The following KIAA1549 variants were observed in gnomAD, a reference collection of about 807,000 sequenced individuals.
KIAA1549 encodes UPF0606 protein KIAA1549.
KIAA1549 carries 70 observed loss-of-function variants against 156.4 expected under a neutral mutation model. The observed-to-expected ratio is 0.45, with a 90% confidence interval of 0.37 to 0.55. KIAA1549 has a LOEUF of 0.55. Ranked by LOEUF, KIAA1549 falls within the 20% of genes least tolerant of loss-of-function variation. The probability of loss-of-function intolerance (pLI) is 0.00; values close to 1 mark genes in which losing one functional copy is unlikely to be tolerated. For synonymous variants in KIAA1549, 1,103 were observed against 1,066.4 expected (o/e 1.03, Z -0.67); for missense variants, 2,428 against 2,540.9 (o/e 0.96, Z 0.96).
intron 8 of KIAA1549, among the ~76,000 whole-genome samples, chr7:138,901,313 T>C (rs1040421529): frequency 6.7e-6 from 1 of 149,810 alleles, no homozygotes; most frequent in African/African-American, 2.5e-5. Flanking sequence ...TTTTGTAGCC[T>C]CTCTTGAGTT....
At chr7:138,935,853 G>A (rs1046423914) in intron 1 of KIAA1549, among the ~76,000 whole-genome samples, 11 of 152,172 alleles carry the variant, frequency 7.2e-5, no homozygotes, top group Admixed American at 2.6e-4. Context: ...GAGGGGTCAC[G>A]CCGGCTGGAA....
intron 1 of KIAA1549, among the ~76,000 whole-genome samples, chr7:138,978,642 A>G (rs1187632959): frequency 6.6e-6 from 1 of 152,230 alleles, no homozygotes; most frequent in Non-Finnish European, 1.5e-5. Context: ...GAAGGAGGAG[A>G]TAGCTTTCAG....
chr7:138,939,112 CT>C (rs994567669), intron 1 of KIAA1549, among the ~76,000 whole-genome samples: 4 of 152,070 alleles, frequency 2.6e-5, no homozygotes, highest in Admixed American at 1.3e-4. Flanking sequence ...ATCCCATAAA[CT>C]TTTTTTTAAA....
rs1563039449 is a variant in KIAA1549, at chr7:138,832,190, C to CTTTT, written c.*5715_*5716insAAAA. 94 of 169,980 alleles carry CTTTT rather than the reference C, an allele frequency of 5.5e-4. 3 individuals are homozygous for CTTTT. The highest frequency in any genetic ancestry group is 2.1e-3 in the African/African-American group (62 of 30,146). 10.5% of individuals were successfully genotyped at this position (169,980 alleles called of 1,614,324 possible). On this transcript the variant is annotated 3_prime_UTR_variant, in exon 20 of 20. Coordinates refer to ENST00000422774, the MANE Select transcript of KIAA1549 (RefSeq NM_001164665.2). ...TTCACCTCTGTCCCTTTTACCTATT[C>CTTTT]CTTTTTTTTTTTTTTTTTTTTCCAG... is the stretch of plus-strand genomic sequence containing the variant.
intron 12 of KIAA1549, among the ~76,000 whole-genome samples, chr7:138,874,807 C>T (rs1270870690): frequency 1.3e-5 from 2 of 152,058 alleles, no homozygotes; most frequent in Admixed American, 1.3e-4. Context: ...AGTTCTAGAC[C>T]AGCCTAGGCA....
At chr7:138,956,431 T>C (rs911785441) in intron 1 of KIAA1549, among the ~76,000 whole-genome samples, 16 of 152,296 alleles carry the variant, frequency 1.1e-4, no homozygotes, top group African/African-American at 3.8e-4. Context: ...CCAAATCTCA[T>C]CTTGAATTGT....
At chr7:138,969,376 C>G (rs7791097) in intron 1 of KIAA1549, among the ~76,000 whole-genome samples, 8,896 of 152,206 alleles carry the variant, frequency 0.058, 442 homozygotes, top group African/African-American at 0.13. Flanking sequence ...AAGTGGAATC[C>G]TACAGTATTT....
In KIAA1549 at chr7:138,868,013, G is replaced by A; in HGVS notation, c.4891C>T (p.Pro1631Ser). The change falls in exon 15 of 20, where the codon CCC (proline) becomes TCC (serine). Residue 1631 changes from proline (P) to serine (S), a missense_variant. Pro to Ser is a moderately conservative substitution (Grantham distance 74). Around this residue, in one of 5 missense-constraint regions of KIAA1549, gnomAD observed 404 missense variants for 417.0 expected, o/e 0.97. Transcript: ENST00000422774. Reference sequence around the variant, plus strand: ...TAGGCTGAGTTGTGGACGCCGGGGGGCCTCCTGTAGGTGCCATCGCTGTCT... The same window carrying A: ...TAGGCTGAGTTGTGGACGCCGGGGGACCTCCTGTAGGTGCCATCGCTGTCT... Reference protein sequence around the residue: ...TTDSDGTYRRPPGVHNSAYIG... With the variant: ...TTDSDGTYRRSPGVHNSAYIG... 1 of 1,613,940 alleles carries A rather than the reference G, an allele frequency of 6.2e-7. No homozygotes were observed.
intron 10 of KIAA1549, among the ~76,000 whole-genome samples, chr7:138,886,572 C>T (rs1447468392): frequency 1.3e-5 from 2 of 151,882 alleles, no homozygotes; most frequent in East Asian, 1.9e-4. Context: ...CCACTGAGAC[C>T]GGCCTTAAGA....
At chr7:138,858,728 G>C (rs1365469284) in intron 16 of KIAA1549, among the ~76,000 whole-genome samples, 2 of 152,078 alleles carry the variant, frequency 1.3e-5, no homozygotes, top group Non-Finnish European at 2.9e-5. Context: ...AAATACCTTA[G>C]AAATGGTGGC....
chr7:138,862,995 G>T (rs1191311731), intron 15 of KIAA1549, among the ~76,000 whole-genome samples: 5 of 152,278 alleles, frequency 3.3e-5, no homozygotes, highest in African/African-American at 1.2e-4. Flanking sequence ...TTAAGAGGTA[G>T]AAATATAAGT....
At chr7:138,838,500 C>T (rs1238070108) in intron 19 of KIAA1549, among the ~76,000 whole-genome samples, 9 of 152,154 alleles carry the variant, frequency 5.9e-5, no homozygotes, top group Admixed American at 5.9e-4. Context: ...TATCTAGCTG[C>T]TGTCTGTCTC....
chr7:138,938,878 T>G (rs1813094137), intron 1 of KIAA1549, among the ~76,000 whole-genome samples: 1 of 152,080 alleles, frequency 6.6e-6, no homozygotes, highest in South Asian at 2.1e-4. Flanking sequence ...CGAAACCCTG[T>G]GTCTACTAAA....
intron 9 of KIAA1549, 97 bp downstream of exon 9, chr7:138,898,858 C>G: frequency 9.5e-7 from 1 of 1,051,780 alleles, no homozygotes; most frequent in Non-Finnish European, 1.5e-6. Flanking sequence ...GTTATACACA[C>G]ATCGGAATGC....
intron 1 of KIAA1549, among the ~76,000 whole-genome samples, chr7:138,941,804 G>A (rs1306295145): frequency 6.6e-6 from 1 of 152,192 alleles, no homozygotes; most frequent in African/African-American, 2.4e-5. Context: ...CAAGAAGGTA[G>A]GGAAGGGAAG....
At chr7:138,942,655 A>C (rs1263038894) in intron 1 of KIAA1549, among the ~76,000 whole-genome samples, 1 of 152,092 alleles carries the variant, frequency 6.6e-6, no homozygotes, top group Non-Finnish European at 1.5e-5. Flanking sequence ...TCACGCCTGT[A>C]ATCCCAGCAC....
intron 1 of KIAA1549, among the ~76,000 whole-genome samples, chr7:138,952,277 G>A (rs1258656930): frequency 3.9e-5 from 6 of 152,212 alleles, no homozygotes; most frequent in African/African-American, 1.4e-4. Context: ...AATGCCAGTT[G>A]TTCGTGTAAT....
At chr7:138,914,073 C>T (rs555096343) in intron 2 of KIAA1549, among the ~76,000 whole-genome samples, 43 of 151,794 alleles carry the variant, frequency 2.8e-4, no homozygotes, top group Admixed American at 2.2e-3. Context: ...GAGCTAAACT[C>T]GGGGGAAACA....
intron 1 of KIAA1549, among the ~76,000 whole-genome samples, chr7:138,928,993 T>G (rs1812798565): frequency 6.6e-6 from 1 of 152,222 alleles, no homozygotes; most frequent in Non-Finnish European, 1.5e-5. Flanking sequence ...TTCAGCGAGT[T>G]GCAATCTTTT....
Sources: gnomAD v4.1 joint callset for allele counts (sites outside exome capture counted in the v4.1 genomes callset) on GRCh38, gnomAD v4.1.1 for gene constraint, gnomAD v4.1.1 regional missense constraint, MANE v1.5 for transcripts, NCBI Gene and HGNC (gene_info 2026-07-23, HGNC 2026-07-21) for gene names.